Variants in PCNX1 observed in about 807,000 individuals in gnomAD.
PCNX1 encodes the protein pecanex 1.
A neutral mutation model predicts 242.2 loss-of-function variants in PCNX1; 78 were observed. The observed-to-expected ratio is 0.32, with a 90% CI of 0.27 to 0.39. The LOEUF (loss-of-function observed/expected upper bound fraction) is 0.39, where lower values mean the gene tolerates loss of function less well. PCNX1 is among the 10% of genes least tolerant of loss of function. The pLI is 1.00. For synonymous variants in PCNX1, 1,024 were observed against 1,032.9 expected (o/e 0.99, Z 0.17); for missense variants, 2,581 against 2,856.5 (o/e 0.90, Z 2.20).
At chr14:70,909,557 G>A (rs935373011) in intron 1 of PCNX1, among the ~76,000 whole-genome samples, 1 of 152,168 alleles carries the variant, frequency 6.6e-6, no homozygotes, top group African/African-American at 2.4e-5. Flanking sequence ...TGATTTTTGA[G>A]AGGTAAGGAT....
At chr14:70,945,673 CTTTT>C (rs201576782) in intron 1 of PCNX1, among the ~76,000 whole-genome samples, 1 of 146,272 alleles carries the variant, frequency 6.8e-6, no homozygotes, top group Admixed American at 6.9e-5. Context: ...TTGAGGTTAA[CTTTT>C]TTTTTTTTGA....
intron 2 of PCNX1, among the ~76,000 whole-genome samples, chr14:70,951,309 A>G (rs535462006): frequency 1.1e-4 from 16 of 152,066 alleles, no homozygotes; most frequent in African/African-American, 3.9e-4. Flanking sequence ...TATGTTTAAT[A>G]CTTAGCATTG....
At chr14:71,074,167 T>C (rs2141438882) in intron 27 of PCNX1, among the ~76,000 whole-genome samples, 1 of 152,368 alleles carries the variant, frequency 6.6e-6, no homozygotes, top group South Asian at 2.1e-4. Flanking sequence ...AGAAGTTAAC[T>C]TGTCCAAGAT....
At chr14:71,012,540 A>G in intron 10 of PCNX1, 1 of 190,566 alleles carries the variant, frequency 5.2e-6, no homozygotes, top group Non-Finnish European at 1.1e-5. Flanking sequence ...TAACATATTC[A>G]TAAAGAGTAG....
chr14:71,063,881 T>G (rs935705890), intron 26 of PCNX1, among the ~76,000 whole-genome samples: 1 of 152,206 alleles, frequency 6.6e-6, no homozygotes, highest in Non-Finnish European at 1.5e-5. Context: ...CCATGTAAAC[T>G]TTATGTGAAA....
intron 26 of PCNX1, among the ~76,000 whole-genome samples, chr14:71,062,621 A>G (rs1201683961): frequency 2.6e-5 from 4 of 152,268 alleles, no homozygotes; most frequent in Middle Eastern, 3.4e-3. Context: ...GTTTAAAAAA[A>G]TTGAAAGTTT....
At position 70,947,051 on chromosome 14, in the gene PCNX1, A is replaced by T. The variant is rs368188664; in HGVS notation, c.290A>T (p.Glu97Val). ...GAAGTTGTAGATAGGACTGCAAATG[A>T]GTTCACGGATCAGCGAACCAAAGCT... is the stretch of plus-strand genomic sequence containing the variant. ...AGEVVDRTAN[E>V]FTDQRTKAEQ... Residue 97 changes from glutamate to valine, a missense_variant, in exon 2 of 36, where the codon GAG becomes GTG. By Grantham distance (121) the Glu-to-Val change is moderately radical. This residue lies in a region of PCNX1 where 1,204 missense variants were observed against 1,216.7 expected (regional missense o/e 0.99). Coordinates refer to ENST00000304743, the MANE Select transcript of PCNX1 (RefSeq NM_014982.3). 6.2e-7 allele frequency: 1 copy of T among 1,613,844 alleles called. No homozygotes were observed. Among genetic ancestry groups the T allele is most frequent in the African/African-American group, 1.3e-5 (1 of 74,926 alleles).
chr14:71,108,632 G>C lies in PCNX1; in HGVS notation c.6330G>C (p.Gln2110His), dbSNP rs777203811. 6.2e-7 allele frequency: 1 copy of C among 1,613,518 alleles called. No individual in the cohort carries two copies. The highest frequency in any genetic ancestry group is 1.3e-5 in the African/African-American group (1 of 74,926). Reference protein sequence around the residue: ...LGTSHSSHSVQSGLVRQSPAR... With the variant: ...LGTSHSSHSVHSGLVRQSPAR... ...CTAGCCACAGCTCTCACTCTGTGCA[G>C]TCGGGCCTGGTCAGACAGTCTCCTG... Residue 2110 changes from glutamine to histidine, a missense_variant, in exon 34 of 36, where the codon CAG becomes CAC. Transcript: ENST00000304743.
At chr14:71,108,497 A>C in intron 33 of PCNX1, 107 bp from the exon 34 acceptor site, 1 of 780,494 alleles carries the variant, frequency 1.3e-6, no homozygotes, top group Non-Finnish European at 2.1e-6. Context: ...AAGTTCTGTC[A>C]GTTCACCAAT....
chr14:71,048,005 A>G (rs1459233639), intron 22 of PCNX1, 21 bp downstream of exon 22: 3 of 1,570,004 alleles, frequency 1.9e-6, no homozygotes, highest in Non-Finnish European at 2.6e-6. Context: ...ACTGAAAGGA[A>G]TATCCTTATC....
At position 71,057,351 on chromosome 14, in the gene PCNX1, C is replaced by G. The variant is rs113044490; in HGVS notation, c.4637-158C>G. Among the ~76,000 whole-genome samples the G allele has an allele frequency of 1.4e-3, 210 of 152,242 alleles. 1 individual carries two copies. The highest frequency in any genetic ancestry group is 6.8e-3 in the South Asian group (33 of 4,822). On this transcript the variant is annotated intron_variant, in intron 25 of 35. Coordinates refer to ENST00000304743, the MANE Select transcript of PCNX1 (RefSeq NM_014982.3). ...AAATTCAGAAACCTTTTCCATTTTC[C>G]TGTTTTACTTTTGTATAGAAACTGT... is the stretch of plus-strand genomic sequence containing the variant.
intron 16 of PCNX1, among the ~76,000 whole-genome samples, chr14:71,032,193 T>A (rs548292617): frequency 6.6e-6 from 1 of 152,372 alleles, no homozygotes; most frequent in Admixed American, 6.5e-5. Flanking sequence ...GTCTCCCTCA[T>A]ATACCTGATG....
At chr14:71,103,779 C>T (rs1176125886) in intron 32 of PCNX1, 110 bp downstream of exon 32, 2 of 848,608 alleles carry the variant, frequency 2.4e-6, no homozygotes, top group Non-Finnish European at 3.7e-6. Context: ...TGCCATGGTA[C>T]AATATGAACC....
chr14:71,076,955 A>G (rs1430087372), intron 28 of PCNX1, among the ~76,000 whole-genome samples: 1 of 152,224 alleles, frequency 6.6e-6, no homozygotes, highest in African/African-American at 2.4e-5. Flanking sequence ...AGGAGCCCAT[A>G]TAGCTAGTGA....
At chr14:71,075,459 G>A (rs1266963733) in intron 27 of PCNX1, among the ~76,000 whole-genome samples, 1 of 152,102 alleles carries the variant, frequency 6.6e-6, no homozygotes, top group Non-Finnish European at 1.5e-5. Flanking sequence ...TCTATCTCTA[G>A]TTCTAAATAT....
chr14:71,090,353 A>AAT (rs2062097423), intron 30 of PCNX1, among the ~76,000 whole-genome samples: 1 of 152,242 alleles, frequency 6.6e-6, no homozygotes. Context: ...GATAAGACTC[A>AAT]TTAAAGTGTA....
At chr14:71,033,728 C>T (rs565586750) in intron 17 of PCNX1, among the ~76,000 whole-genome samples, 190 bp downstream of exon 17, 4 of 151,998 alleles carry the variant, frequency 2.6e-5, no homozygotes, top group Non-Finnish European at 4.4e-5. Flanking sequence ...TGTTTTCCTT[C>T]CCAATTATTG....
Position 71,102,044 on chromosome 14 carries a change from A to C in PCNX1, c.5644A>C (p.Ile1882Leu), listed in dbSNP as rs1374235662. The C allele has an allele frequency of 1.9e-6, 3 of 1,613,692 alleles. No individual in the cohort carries two copies. Among genetic ancestry groups the C allele is most frequent in the Admixed American group, 1.7e-5 (1 of 60,004 alleles). Residue 1882 changes from isoleucine to leucine, a missense_variant, in exon 31 of 36, where the codon ATA becomes CTA. By Grantham distance (5) the Ile-to-Leu change is conservative. Transcript: ENST00000304743. ...TGACCCTACTGTGCTCTATGAAGCC[A>C]TAGTATCTCATGAGAAGAACCTCGT... ...YDDPTVLYEA[I>L]VSHEKNLVIA... is the part of the protein sequence containing the mutation.
chr14:70,972,068 A>G (rs2058557996), intron 5 of PCNX1, among the ~76,000 whole-genome samples: 1 of 152,236 alleles, frequency 6.6e-6, no homozygotes, highest in Admixed American at 6.5e-5. Context: ...AATCCAGAAC[A>G]CAGATCAGAG....
Sources: allele counts gnomAD v4.1 joint callset (sites outside exome capture counted in the v4.1 genomes callset), GRCh38; gene constraint gnomAD v4.1.1; regional missense constraint gnomAD v4.1.1; transcripts MANE v1.5; gene names NCBI Gene and HGNC (gene_info 2026-07-23, HGNC 2026-07-21).